CHAT: variants seen among roughly 807,000 people sequenced by gnomAD.
The protein encoded by CHAT is choline O-acetyltransferase.
A neutral mutation model predicts 76.9 loss-of-function variants in CHAT; 61 were observed. The observed-to-expected ratio is 0.79, with a 90% CI of 0.65 to 0.98. CHAT has a LOEUF of 0.98. Ranked by LOEUF, CHAT falls within the 50% of genes least tolerant of loss-of-function variation. CHAT has a pLI of 0.00. For synonymous variants in CHAT, 407 were observed against 397.4 expected (o/e 1.02, Z -0.29); for missense variants, 946 against 986.9 (o/e 0.96, Z 0.56).
At chr10:49,638,783 T>A (rs1039752448) in intron 7 of CHAT, among the ~76,000 whole-genome samples, 2 of 152,228 alleles carry the variant, frequency 1.3e-5, no homozygotes, top group Admixed American at 1.3e-4. Context: ...CATCAGGCAA[T>A]TTTATGATTT....
intron 2 of CHAT, among the ~76,000 whole-genome samples, chr10:49,618,935 T>C (rs1020615748): frequency 2.0e-5 from 3 of 152,208 alleles, no homozygotes; most frequent in African/African-American, 7.2e-5. Flanking sequence ...TTATGTCCTA[T>C]GGATGAGGAG....
chr10:49,642,532 A>T (rs1839518877), intron 7 of CHAT, among the ~76,000 whole-genome samples: 3 of 152,218 alleles, frequency 2.0e-5, no homozygotes, highest in Admixed American at 2.0e-4. Flanking sequence ...TGACAAGGGC[A>T]GTGATGCCCA....
rs11101182 is a variant in CHAT at position 49,616,198 on chromosome 10, C to A, written c.287-304C>A. The A allele has an allele frequency of 0.1, 114,750 of 1,152,342 alleles. 6,401 individuals carry two copies. Among genetic ancestry groups the A allele is most frequent in the African/African-American group, 0.11 (7,191 of 66,464 alleles). The allele number at this position is 1,152,342 out of a possible 1,614,324, so 71.4% of individuals were successfully genotyped here. ...AACAAAGGCAGCACTCTGCCAGCAA[C>A]CCCTGGTGGATTTGGATTGCCCCAG... On this transcript the variant is annotated intron_variant, in intron 1 of 14. Transcript: ENST00000337653.
At chr10:49,647,779 CCTTCCT>C (rs1839724613) in intron 8 of CHAT, 1 of 145,042 alleles carries the variant, frequency 6.9e-6, no homozygotes, top group African/African-American at 2.6e-5. Context: ...TTCCTTCCTT[CCTTCCT>C]TCCTTCCTTC....
chr10:49,629,257 G>A (rs1359844072), intron 7 of CHAT, among the ~76,000 whole-genome samples: 1 of 152,232 alleles, frequency 6.6e-6, no homozygotes, highest in Non-Finnish European at 1.5e-5. Flanking sequence ...AAATAAAAGA[G>A]TGAAGGGTGA....
chr10:49,645,250 G>A (rs1839619066), intron 7 of CHAT, among the ~76,000 whole-genome samples: 1 of 152,164 alleles, frequency 6.6e-6, no homozygotes, highest in African/African-American at 2.4e-5. Context: ...CAAATGCCAT[G>A]CACCCATCTT....
Position 49,625,596 on chromosome 10 carries a change from TCAGAA to T in CHAT, c.880_884del (p.Asn294GlnfsTer7). ...GCCATACCCAGGACACGCTGGTGGCTCAGAACAGCAGCATCATGCCGGAGCCTGAG... is the reference window on the plus strand; with the variant it reads ...GCCATACCCAGGACACGCTGGTGGCTCAGCAGCATCATGCCGGAGCCTGAG... On this transcript the variant is annotated frameshift_variant, in exon 6 of 15. Coordinates refer to ENST00000337653, the MANE Select transcript of CHAT (RefSeq NM_020549.5). LOFTEE classifies it high-confidence loss of function. 6.2e-7 allele frequency: 1 copy of T among 1,606,330 alleles called. No individual in the cohort carries two copies. The highest frequency in any genetic ancestry group is 8.5e-7 in the Non-Finnish European group (1 of 1,176,250).
At chr10:49,662,288 G>A (rs976335656) in intron 13 of CHAT, among the ~76,000 whole-genome samples, 1 of 152,190 alleles carries the variant, frequency 6.6e-6, no homozygotes, top group Non-Finnish European at 1.5e-5. Context: ...CCAAGCAGTT[G>A]GTAGTTGAGA....
At chr10:49,655,480 C>T (rs2132832041) in intron 13 of CHAT, 32 bp downstream of exon 13, 1 of 1,602,358 alleles carries the variant, frequency 6.2e-7, no homozygotes, top group Non-Finnish European at 8.5e-7. Context: ...CACAACACTG[C>T]ACTTGAGCTG....
upstream of CHAT, chr10:49,610,524 T>G (rs1838261006): frequency 2.2e-6 from 1 of 446,496 alleles, no homozygotes; most frequent in Non-Finnish European, 3.8e-6. Context: ...CAGCCGCGGG[T>G]CCCGGGATCG....
chr10:49,630,887 G>A (rs571956882), intron 7 of CHAT, among the ~76,000 whole-genome samples: 12 of 152,208 alleles, frequency 7.9e-5, no homozygotes, highest in South Asian at 2.1e-4. Flanking sequence ...GATAAGAGGC[G>A]GGCAGTTGGA....
upstream of CHAT, chr10:49,612,208 C>A (rs1441883375): frequency 6.2e-7 from 1 of 1,609,214 alleles, no homozygotes; most frequent in African/African-American, 1.3e-5. Flanking sequence ...TGATGAGCCA[C>A]CGCAAGGTCT....
intron 3 of CHAT, among the ~76,000 whole-genome samples, chr10:49,620,260 A>G (rs1290299202): frequency 6.6e-6 from 1 of 152,138 alleles, no homozygotes; most frequent in Admixed American, 6.5e-5. Flanking sequence ...GAGGACAGCG[A>G]TGTAGCACCA....
upstream of CHAT, chr10:49,612,403 A>G (rs112798036): frequency 6.8e-6 from 10 of 1,481,026 alleles, no homozygotes; most frequent in African/African-American, 1.1e-4. Context: ...CTGCAAGCCC[A>G]CTGGCCAGCT....
intron 10 of CHAT, among the ~76,000 whole-genome samples, chr10:49,649,866 ATTTTT>A (rs59979541): frequency 2.5e-5 from 3 of 117,810 alleles, no homozygotes; most frequent in African/African-American, 3.8e-5. Context: ...ACGCAGGGCT[ATTTTT>A]TTTTTTTTTT....
At chr10:49,610,506 G>C (rs1234178824), upstream of CHAT, 1 of 438,570 alleles carries the variant, frequency 2.3e-6, no homozygotes, top group Non-Finnish European at 3.9e-6. Flanking sequence ...GGCCGCCCCT[G>C]AGCCCAGCAG....
At chr10:49,635,965 G>C (rs1191283019) in intron 7 of CHAT, among the ~76,000 whole-genome samples, 5 of 152,016 alleles carry the variant, frequency 3.3e-5, no homozygotes, top group African/African-American at 1.2e-4. Context: ...ATACAGATCA[G>C]AAAGAAAAAA....
chr10:49,642,697 C>T (rs767219643), intron 7 of CHAT, among the ~76,000 whole-genome samples: 4 of 152,262 alleles, frequency 2.6e-5, no homozygotes, highest in Non-Finnish European at 5.9e-5. Flanking sequence ...CTGCAGTCTG[C>T]CCACTCCACA....
chr10:49,613,899 A>G, upstream of CHAT: 2 of 543,652 alleles, frequency 3.7e-6, no homozygotes, highest in East Asian at 6.6e-5. Context: ...AAGATGGTGT[A>G]GCAGGGTTTG....
Sources: allele counts gnomAD v4.1 joint callset (sites outside exome capture counted in the v4.1 genomes callset), GRCh38; gene constraint gnomAD v4.1.1; transcripts MANE v1.5; gene names NCBI Gene and HGNC (gene_info 2026-07-23, HGNC 2026-07-21).